GRAMD4: variants seen among roughly 807,000 people sequenced by gnomAD.
GRAMD4 encodes GRAM domain containing 4.
Under a neutral mutation model 83.9 loss-of-function variants are expected in GRAMD4, and 25 were observed. That is an observed-to-expected ratio of 0.30 (90% CI 0.22 to 0.42). The LOEUF (loss-of-function observed/expected upper bound fraction) is 0.42, where lower values mean the gene tolerates loss of function less well. Ranked by LOEUF, GRAMD4 falls within the 10% of genes least tolerant of loss-of-function variation. The pLI, the probability that GRAMD4 is intolerant of heterozygous loss-of-function variation, is 1.00. For synonymous variants in GRAMD4, 336 were observed against 320.9 expected, an observed-to-expected ratio of 1.05 and a Z score of -0.50; for missense variants, 593 against 788.7, an observed-to-expected ratio of 0.75 and a Z score of 2.97.
chr22:46,600,058 G>A (rs1453190259), intron 1 of GRAMD4, among the ~76,000 whole-genome samples: 3 of 152,196 alleles, frequency 2.0e-5, no homozygotes, highest in Admixed American at 6.5e-5. Context: ...TGCGGAGAGT[G>A]GAAGAGTCCT....
rs545132408 is a variant in GRAMD4, at chr22:46,595,210, G to A, written c.-50+17920G>A. On this transcript the variant is annotated intron_variant, in intron 1 of 1. Coordinates refer to the GRAMD4 transcript ENST00000431155. ...GCACGTTTTCAATCCCAGGGTGGGC[G>A]TGGGTACTAACTACAGGTAGAGACC... Among the ~76,000 whole-genome samples the A allele has an allele frequency of 1.5e-3, 233 of 152,302 alleles. 1 individual carries two copies. The highest frequency in any genetic ancestry group is 6.6e-3 in the Admixed American group (101 of 15,302).
Position 46,665,617 on chromosome 22 carries a change from G to T in GRAMD4, c.720G>T (p.Val240=), listed in dbSNP as rs770317438. ...GACGCCCTGTCTCTCACCCGCAGGT[G>T]TACATGAATGCCGTGTGGCATGGCT... ...SVYTSAIAFT[V]YMNAVWHGWA... is the part of the protein sequence containing the mutation. Residue 240 remains valine (V), a splice_region_variant and synonymous_variant, in exon 9 of 19, where the codon GTG becomes GTT. Coordinates refer to ENST00000406902, the MANE Select transcript of GRAMD4 (RefSeq NM_015124.5). 1.9e-6 allele frequency: 3 copies of T among 1,566,610 alleles called. No homozygotes were observed. Among genetic ancestry groups the T allele is most frequent in the South Asian group, 1.1e-5 (1 of 89,896 alleles).
chr22:46,675,147 T>G (rs975503958), intron 16 of GRAMD4, among the ~76,000 whole-genome samples: 1 of 151,948 alleles, frequency 6.6e-6, no homozygotes, highest in Non-Finnish European at 1.5e-5. Flanking sequence ...GCTGTGAATG[T>G]CTTATGCAGA....
chr22:46,600,611 G>A (rs2081303255), intron 1 of GRAMD4, among the ~76,000 whole-genome samples: 1 of 152,184 alleles, frequency 6.6e-6, no homozygotes, highest in African/African-American at 2.4e-5. Flanking sequence ...GGAGGAGACA[G>A]CGGAGCAAGG....
chr22:46,655,220 A>G (rs1164859883), intron 3 of GRAMD4, among the ~76,000 whole-genome samples: 1 of 139,086 alleles, frequency 7.2e-6, no homozygotes, highest in African/African-American at 2.6e-5. Context: ...CTGTGGCTTA[A>G]GCCCAAAAAG....
chr22:46,599,760 A>G (rs1360792563), intron 1 of GRAMD4, among the ~76,000 whole-genome samples: 1 of 152,206 alleles, frequency 6.6e-6, no homozygotes, highest in Non-Finnish European at 1.5e-5. Context: ...AAATGTTTCC[A>G]CAAGTCAGCA....
chr22:46,670,180 T>G (rs906631399), intron 13 of GRAMD4, among the ~76,000 whole-genome samples: 1 of 152,232 alleles, frequency 6.6e-6, no homozygotes, highest in East Asian at 1.9e-4. Context: ...TGTGTCTGTG[T>G]GGAAGAGCAG....
At chr22:46,600,591 A>T (rs2081303103) in intron 1 of GRAMD4, among the ~76,000 whole-genome samples, 1 of 152,180 alleles carries the variant, frequency 6.6e-6, no homozygotes, top group Admixed American at 6.5e-5. Flanking sequence ...GACAGTGCAC[A>T]GGCAGGCATG....
At chr22:46,636,075 C>T (rs1267502746) in intron 2 of GRAMD4, among the ~76,000 whole-genome samples, 1 of 152,198 alleles carries the variant, frequency 6.6e-6, no homozygotes, top group East Asian at 1.9e-4. Flanking sequence ...GGGGCCCCAG[C>T]TGGGGTCCTA....
intron 1 of GRAMD4, among the ~76,000 whole-genome samples, chr22:46,605,838 G>A (rs2081360640): frequency 1.3e-5 from 2 of 151,180 alleles, no homozygotes; most frequent in South Asian, 2.1e-4. Flanking sequence ...CCGGTGCTGA[G>A]CATCTCTGCA....
intron 1 of GRAMD4, among the ~76,000 whole-genome samples, chr22:46,594,839 G>A (rs960308456): frequency 2.0e-5 from 3 of 151,988 alleles, no homozygotes; most frequent in Non-Finnish European, 4.4e-5. Flanking sequence ...GAGGAGGGGC[G>A]CCCCACATGT....
At chr22:46,592,098 T>C (rs9616073) in intron 1 of GRAMD4, among the ~76,000 whole-genome samples, 58,967 of 151,604 alleles carry the variant, frequency 0.39, 13,867 homozygotes, top group African/African-American at 0.65. Context: ...AGTCGAGACC[T>C]CATCCTGACG....
intron 3 of GRAMD4, among the ~76,000 whole-genome samples, chr22:46,656,648 C>G (rs1171497283): frequency 6.6e-6 from 1 of 152,240 alleles, no homozygotes; most frequent in Non-Finnish European, 1.5e-5. Context: ...TAGAAGCCTG[C>G]CTTCAGCCTT....
chr22:46,662,654 C>T (rs577614625), intron 5 of GRAMD4, among the ~76,000 whole-genome samples: 14 of 152,210 alleles, frequency 9.2e-5, no homozygotes, highest in Admixed American at 4.6e-4. Flanking sequence ...TCTGACAACC[C>T]GGAGGTAGAA....
intron 4 of GRAMD4, among the ~76,000 whole-genome samples, 176 bp from the exon 5 acceptor site, chr22:46,661,205 T>C (rs2082321422): frequency 1.3e-5 from 2 of 152,258 alleles, no homozygotes; most frequent in African/African-American, 2.4e-5. Context: ...GGCAGCTCTG[T>C]GCTTGCCTGG....
chr22:46,590,532 T>G (rs1475037539), intron 1 of GRAMD4, among the ~76,000 whole-genome samples: 1 of 152,164 alleles, frequency 6.6e-6, no homozygotes, highest in South Asian at 2.1e-4. Flanking sequence ...TAACACCCAG[T>G]CAGCTGGTGT....
chr22:46,673,035 G>A (rs763188695), intron 14 of GRAMD4, 38 bp downstream of exon 14: 2 of 1,520,136 alleles, frequency 1.3e-6, no homozygotes, highest in Non-Finnish European at 1.8e-6. Context: ...GGGGGGATGG[G>A]GGGCCACGAA....
intron 3 of GRAMD4, among the ~76,000 whole-genome samples, chr22:46,649,629 C>T (rs1377407161): frequency 6.6e-6 from 1 of 152,222 alleles, no homozygotes; most frequent in Non-Finnish European, 1.5e-5. Flanking sequence ...CAGCAGCCTT[C>T]AACATTAGGA....
chr22:46,626,099 G>T (rs138480), intron 1 of GRAMD4, among the ~76,000 whole-genome samples: 54,868 of 152,076 alleles, frequency 0.36, 10,816 homozygotes, highest in East Asian at 0.6. Context: ...GTAGGAACAC[G>T]CTTTAGGCAG....
Sources: allele counts gnomAD v4.1 joint callset (sites outside exome capture counted in the v4.1 genomes callset), GRCh38; gene constraint gnomAD v4.1.1; transcripts MANE v1.5; gene names NCBI Gene and HGNC (gene_info 2026-07-23, HGNC 2026-07-21).